HECW2: variants seen among roughly 807,000 people sequenced by gnomAD.
HECW2 encodes the protein HECT, C2 and WW domain containing E3 ubiquitin protein ligase 2.
A neutral mutation model predicts 175.2 loss-of-function variants in HECW2; 61 were observed. The ratio of observed to expected loss-of-function variants is 0.35; its 90% CI spans 0.28 to 0.43. HECW2 has a LOEUF of 0.43. Among genes scored for constraint, HECW2 ranks in the 20% least tolerant of loss-of-function variants. The pLI is 1.00. For missense variants in HECW2, 1,524 were observed against 2,000.5 expected (o/e 0.76, Z 4.54); for synonymous variants, 671 against 731.0 (o/e 0.92, Z 1.32).
intron 10 of HECW2, among the ~76,000 whole-genome samples, chr2:196,311,695 G>A (rs1575398337): frequency 1.3e-5 from 2 of 152,140 alleles, no homozygotes; most frequent in South Asian, 4.1e-4. Context: ...TACTCAGGAG[G>A]CTGAGACAGG....
chr2:196,240,662 T>A, intron 20 of HECW2, 100 bp from the exon 21 acceptor site: 1 of 1,142,612 alleles, frequency 8.8e-7, no homozygotes, highest in Non-Finnish European at 1.2e-6. Flanking sequence ...CACAATTAAC[T>A]AGGTAAGAAG....
intron 1 of HECW2, among the ~76,000 whole-genome samples, chr2:196,539,989 C>CAGAT (rs1689155673): frequency 6.6e-6 from 1 of 152,284 alleles, no homozygotes; most frequent in South Asian, 2.1e-4. Flanking sequence ...TTCAGGACAG[C>CAGAT]GGATGAATGA....
rs112273962 is a variant in HECW2, at chr2:196,477,148, G to GAA, written c.-35-43692_-35-43691dup. On this transcript the variant is annotated intron_variant, in intron 1 of 28. Coordinates refer to ENST00000644978, the MANE Select transcript of HECW2 (RefSeq NM_001348768.2). ...AGGTTTTTTCCCTGGAGGGAAAAGC[G>GAA]AAAAAAAAAAAAAAATTAGAAGTAA... is the stretch of plus-strand genomic sequence containing the variant. Among the ~76,000 whole-genome samples the GAA allele has an allele frequency of 6.5e-3, 676 of 104,388 alleles. 4 individuals carry two copies. Among genetic ancestry groups the GAA allele is most frequent in the Middle Eastern group, 0.02 (4 of 204 alleles). 68.5% of individuals were successfully genotyped at this position (104,388 alleles called of 152,430 possible).
At chr2:196,561,830 G>C (rs550671094) in intron 1 of HECW2, among the ~76,000 whole-genome samples, 204 of 152,256 alleles carry the variant, frequency 1.3e-3, no homozygotes, top group African/African-American at 4.7e-3. Flanking sequence ...TAGGAGGAAA[G>C]GTAGATTCTG....
intron 21 of HECW2, among the ~76,000 whole-genome samples, chr2:196,231,806 G>C (rs1387141783): frequency 6.6e-6 from 1 of 152,128 alleles, no homozygotes; most frequent in Non-Finnish European, 1.5e-5. Context: ...TGGCTAACAT[G>C]GTGAAACCCC....
intron 2 of HECW2, among the ~76,000 whole-genome samples, chr2:196,411,138 A>G (rs144161820): frequency 3.4e-4 from 52 of 152,312 alleles, no homozygotes; most frequent in African/African-American, 1.3e-3. Flanking sequence ...AGCTGGGACT[A>G]CAGGTACACA....
At chr2:196,282,079 T>A (rs1690209792) in intron 14 of HECW2, among the ~76,000 whole-genome samples, 1 of 152,170 alleles carries the variant, frequency 6.6e-6, no homozygotes, top group South Asian at 2.1e-4. Context: ...TTCCTAAGGA[T>A]CACAGTGTTT....
At chr2:196,580,415 A>G (rs1362299586) in intron 1 of HECW2, among the ~76,000 whole-genome samples, 1 of 152,216 alleles carries the variant, frequency 6.6e-6, no homozygotes. Context: ...ACAGAAGAAA[A>G]TATTTGCAAG....
At chr2:196,487,759 T>C (rs1687057545) in intron 1 of HECW2, among the ~76,000 whole-genome samples, 2 of 152,212 alleles carry the variant, frequency 1.3e-5, no homozygotes, top group African/African-American at 2.4e-5. Flanking sequence ...CATTTTGATA[T>C]AGTTGTTAAG....
Position 196,593,516 on chromosome 2 carries a change from G to C in HECW2, c.-44C>G, listed in dbSNP as rs1445171145. On this transcript the variant is annotated 5_prime_UTR_variant, in exon 1 of 29. Coordinates refer to ENST00000644978, the MANE Select transcript of HECW2 (RefSeq NM_001348768.2). ...GAGTCCGGCCTCCTCACCTCCAGCC[G>C]CGCCGGCGCCCTTCCCGCTAGACGC... 6.6e-6 allele frequency: 1 copy of C among 152,308 alleles called. No individual in the cohort carries two copies. Among genetic ancestry groups the C allele is most frequent in the Non-Finnish European group, 1.5e-5 (1 of 68,150 alleles). 9.4% of individuals were successfully genotyped at this position (152,308 alleles called of 1,614,324 possible).
At chr2:196,265,228 T>C (rs909828294) in intron 17 of HECW2, among the ~76,000 whole-genome samples, 2 of 152,222 alleles carry the variant, frequency 1.3e-5, no homozygotes, top group African/African-American at 4.8e-5. Flanking sequence ...CTCACGCCTA[T>C]AATCCCAACA....
intron 3 of HECW2, among the ~76,000 whole-genome samples, chr2:196,341,907 G>A (rs1051986356): frequency 3.3e-5 from 5 of 152,164 alleles, no homozygotes; most frequent in African/African-American, 1.2e-4. Flanking sequence ...TATTAGAGAA[G>A]TTTGATATGC....
At chr2:196,375,690 G>A (rs1694032381) in intron 2 of HECW2, among the ~76,000 whole-genome samples, 1 of 152,170 alleles carries the variant, frequency 6.6e-6, no homozygotes, top group South Asian at 2.1e-4. Flanking sequence ...ATCATGCAAT[G>A]GCTAGGAAAA....
At position 196,278,678 on chromosome 2, in the gene HECW2, C is replaced by T. The variant is rs1559005988; in HGVS notation, c.3001-16G>A. ...CAAAGAATGCCTAGGATACAATACA[C>T]TGAGTCAAATACATGCCGCTCACAT... On this transcript the variant is annotated splice_polypyrimidine_tract_variant and intron_variant, in intron 14 of 28. Coordinates refer to ENST00000644978, the MANE Select transcript of HECW2 (RefSeq NM_001348768.2). The T allele has an allele frequency of 6.2e-7, 1 of 1,613,860 alleles. No individual in the cohort carries two copies. The highest frequency in any genetic ancestry group is 2.2e-5 in the East Asian group (1 of 44,866).
chr2:196,423,415 T>C (rs188343105), intron 2 of HECW2, among the ~76,000 whole-genome samples: 117 of 152,208 alleles, frequency 7.7e-4, no homozygotes, highest in African/African-American at 2.4e-3. Flanking sequence ...ATCTCAACAA[T>C]TGATAACGTC....
intron 17 of HECW2, among the ~76,000 whole-genome samples, chr2:196,268,425 A>G (rs1689597660): frequency 6.6e-6 from 1 of 152,162 alleles, no homozygotes; most frequent in African/African-American, 2.4e-5. Context: ...AAAAATCTTC[A>G]ACATCTTTAG....
chr2:196,276,313 C>G (rs1240748422), intron 15 of HECW2, among the ~76,000 whole-genome samples: 1 of 152,176 alleles, frequency 6.6e-6, no homozygotes, highest in Non-Finnish European at 1.5e-5. Context: ...TGGGCCACTG[C>G]TCAGTTTCCA....
At chr2:196,371,702 T>C (rs1392834006) in intron 2 of HECW2, among the ~76,000 whole-genome samples, 1 of 152,264 alleles carries the variant, frequency 6.6e-6, no homozygotes, top group African/African-American at 2.4e-5. Context: ...CACTCTATTT[T>C]ACAAAAGATC....
chr2:196,565,876 T>C (rs1690170803), intron 1 of HECW2, among the ~76,000 whole-genome samples: 1 of 152,228 alleles, frequency 6.6e-6, no homozygotes, highest in Non-Finnish European at 1.5e-5. Flanking sequence ...ACTAGGTTAC[T>C]TTCCCTACTT....
Sources: gnomAD v4.1 joint callset for allele counts (sites outside exome capture counted in the v4.1 genomes callset) on GRCh38, gnomAD v4.1.1 for gene constraint, MANE v1.5 for transcripts, NCBI Gene and HGNC (gene_info 2026-07-23, HGNC 2026-07-21) for gene names.